ZFHX3: variants seen among roughly 807,000 people sequenced by gnomAD.
ZFHX3 encodes zinc finger homeobox protein 3.
ZFHX3 carries 42 observed loss-of-function variants against 279.1 expected under a neutral mutation model. The ratio of observed to expected loss-of-function variants is 0.15; its 90% confidence interval spans 0.12 to 0.19. The LOEUF (loss-of-function observed/expected upper bound fraction) is 0.19. Ranked by LOEUF, ZFHX3 falls within the 10% of genes least tolerant of loss-of-function variation. The pLI is 1.00. For missense variants in ZFHX3, 4,981 were observed against 4,754.0 expected, an observed-to-expected ratio of 1.05 and a Z score of -1.40; for synonymous variants, 2,293 against 1,957.8, an observed-to-expected ratio of 1.17 and a Z score of -4.52.
intron 4 of ZFHX3, among the ~76,000 whole-genome samples, chr16:72,845,840 T>C (rs1219723201): frequency 2.6e-5 from 4 of 152,162 alleles, no homozygotes; most frequent in Non-Finnish European, 2.9e-5. Flanking sequence ...AAGTAGATAG[T>C]ATTAGGACTC....
At chr16:73,787,859 G>C (rs866654608) in intron 1 of ZFHX3, among the ~76,000 whole-genome samples, 12 of 145,360 alleles carry the variant, frequency 8.3e-5, no homozygotes, top group African/African-American at 3.1e-4. Context: ...GTGTGAAAGA[G>C]AGAGAGAGAG....
intron 8 of ZFHX3, among the ~76,000 whole-genome samples, chr16:73,069,243 G>T (rs1479661989): frequency 6.6e-6 from 1 of 152,166 alleles, no homozygotes; most frequent in Non-Finnish European, 1.5e-5. Context: ...AACAGAGAGG[G>T]GTATCAAATA....
chr16:73,688,801 G>A (rs577217914), intron 1 of ZFHX3, among the ~76,000 whole-genome samples: 3 of 152,218 alleles, frequency 2.0e-5, no homozygotes, highest in Admixed American at 6.5e-5. Context: ...GGGGCGGGTC[G>A]TTCCCATGCT....
chr16:72,895,218 C>G (rs1028232918), intron 3 of ZFHX3, among the ~76,000 whole-genome samples: 11 of 152,176 alleles, frequency 7.2e-5, no homozygotes, highest in Non-Finnish European at 1.6e-4. Context: ...AGCAGCAACT[C>G]TAAGAAAATA....
chr16:73,060,405 G>T, upstream of ZFHX3: 1 of 152,128 alleles, frequency 6.6e-6, no homozygotes, highest in Middle Eastern at 3.4e-3. Context: ...CTACTGTACC[G>T]ATTCCCAGTA....
At chr16:73,744,773 C>T (rs921164845) in intron 1 of ZFHX3, among the ~76,000 whole-genome samples, 1 of 152,140 alleles carries the variant, frequency 6.6e-6, no homozygotes, top group Admixed American at 6.6e-5. Flanking sequence ...CTGAATATTA[C>T]TATTTCTCCC....
At chr16:73,758,793 C>G (rs1403494577) in intron 1 of ZFHX3, among the ~76,000 whole-genome samples, 1 of 152,188 alleles carries the variant, frequency 6.6e-6, no homozygotes, top group East Asian at 1.9e-4. Context: ...TATGCATTTG[C>G]TTAGTTTTGT....
chr16:72,899,369 C>T (rs2038977075), intron 3 of ZFHX3, among the ~76,000 whole-genome samples: 1 of 152,256 alleles, frequency 6.6e-6, no homozygotes, highest in Admixed American at 6.5e-5. Context: ...CTTCACTCTG[C>T]ACTTCTCTTC....
intron 1 of ZFHX3, among the ~76,000 whole-genome samples, chr16:73,024,428 C>A (rs1385832551): frequency 1.3e-5 from 2 of 152,262 alleles, no homozygotes; most frequent in East Asian, 1.9e-4. Context: ...GGAGGCACCA[C>A]CCATGAAGAC....
chr16:72,974,895 C>T (rs1015587390), intron 1 of ZFHX3, among the ~76,000 whole-genome samples: 3 of 152,126 alleles, frequency 2.0e-5, no homozygotes, highest in Admixed American at 6.5e-5. Flanking sequence ...GCACAGAGAC[C>T]CCATCACTGA....
chr16:73,541,657 C>T (rs2020013144), intron 2 of ZFHX3, among the ~76,000 whole-genome samples: 1 of 152,052 alleles, frequency 6.6e-6, no homozygotes, highest in Non-Finnish European at 1.5e-5. Flanking sequence ...GCCATCACCC[C>T]TTTTCCTTAC....
At chr16:73,009,889 C>T (rs533192072) in intron 1 of ZFHX3, among the ~76,000 whole-genome samples, 78 of 152,122 alleles carry the variant, frequency 5.1e-4, no homozygotes, top group African/African-American at 1.2e-3. Flanking sequence ...GGTGTGGTGG[C>T]GCACGCCTGT....
intron 1 of ZFHX3, among the ~76,000 whole-genome samples, chr16:73,037,167 G>A (rs1242707594): frequency 6.6e-6 from 1 of 152,080 alleles, no homozygotes; most frequent in Non-Finnish European, 1.5e-5. Context: ...AAGAACATAC[G>A]TTTTCCAAAC....
chr16:73,106,336 C>T (rs546165687), intron 7 of ZFHX3, among the ~76,000 whole-genome samples: 2 of 152,128 alleles, frequency 1.3e-5, no homozygotes, highest in South Asian at 4.2e-4. Flanking sequence ...TCTGAGAAGA[C>T]CTTAAATGCC....
At chr16:73,837,244 T>C (rs1486259992) in intron 1 of ZFHX3, among the ~76,000 whole-genome samples, 1 of 152,214 alleles carries the variant, frequency 6.6e-6, no homozygotes, top group Non-Finnish European at 1.5e-5. Context: ...CTCATGTTAA[T>C]ATCTTTGGAA....
At position 73,876,049 on chromosome 16, in the gene ZFHX3, C is replaced by A. The variant is rs1257238058; in HGVS notation, c.-1608+15602G>T. On this transcript the variant is annotated intron_variant, in intron 1 of 17. Transcript: ENST00000641206. ...ATCTGCAATAAATTCTACAACACGA[C>A]CCCAAACCGTCCAGTGTCTGAATTT... 3.9e-5 allele frequency among the ~76,000 whole-genome samples: 6 copies of A among 152,134 alleles called. No individual in the cohort carries two copies. The East Asian group carries it at 1.2e-3, about 29-fold the overall frequency.
chr16:73,867,320 G>A (rs1962049863), intron 1 of ZFHX3, among the ~76,000 whole-genome samples: 1 of 152,166 alleles, frequency 6.6e-6, no homozygotes, highest in Non-Finnish European at 1.5e-5. Flanking sequence ...TCTGGCCCAA[G>A]TAAGTGGGGT....
rs78622545 is a variant in ZFHX3 at position 73,010,757 on chromosome 16, A to G, written c.-50+36995T>C. Among the ~76,000 whole-genome samples the G allele has an allele frequency of 6.8e-3, 1,029 of 152,278 alleles. 16 individuals carry two copies. Among genetic ancestry groups the G allele is most frequent in the African/African-American group, 0.024 (989 of 41,566 alleles). ...GCACACGAGTTCTACTCCAGGAGAC[A>G]TTTACATCAAGTTCTACTCTCTGAC... On this transcript the variant is annotated intron_variant, in intron 1 of 9. Transcript: ENST00000268489.
chr16:73,754,832 G>A (rs2053793906), intron 1 of ZFHX3, among the ~76,000 whole-genome samples: 1 of 151,998 alleles, frequency 6.6e-6, no homozygotes, highest in African/African-American at 2.4e-5. Flanking sequence ...GTTCACTCAG[G>A]GTCTTTCTGC....
Sources: allele counts gnomAD v4.1 joint callset (sites outside exome capture counted in the v4.1 genomes callset), GRCh38; gene constraint gnomAD v4.1.1; transcripts MANE v1.5; gene names NCBI Gene and HGNC (gene_info 2026-07-23, HGNC 2026-07-21).